AASS: variants seen among roughly 807,000 people sequenced by gnomAD.
The protein encoded by AASS is alpha-aminoadipic semialdehyde synthase, mitochondrial.
AASS carries 86 observed loss-of-function variants against 105.4 expected under a neutral mutation model. The ratio of observed to expected loss-of-function variants is 0.82; its 90% confidence interval spans 0.69 to 0.98. The LOEUF (loss-of-function observed/expected upper bound fraction) is 0.98. Ranked by LOEUF, AASS falls within the 50% of genes least tolerant of loss-of-function variation. AASS has a pLI of 0.00. For missense variants in AASS, 1,048 were observed against 1,143.2 expected (o/e 0.92, Z 1.20); for synonymous variants, 381 against 394.8 (o/e 0.96, Z 0.41).
intron 18 of AASS, among the ~76,000 whole-genome samples, chr7:122,088,436 G>A (rs1050535679): frequency 5.3e-5 from 8 of 152,080 alleles, no homozygotes; most frequent in Non-Finnish European, 5.9e-5. Context: ...CTGAGGCTGA[G>A]TCACCCAAAG....
Position 122,079,707 on chromosome 7 carries a change from TTG to T in AASS, c.2284_2285del (p.Gln762ThrfsTer4). 1 of 1,609,202 alleles carries T rather than the reference TTG, an allele frequency of 6.2e-7. No individual in the cohort carries two copies. The highest frequency in any genetic ancestry group is 8.5e-7 in the Non-Finnish European group (1 of 1,175,818). ...RPEANPLTWK[Q>X]LLCDLVGISP... ...AAATCCCAACTAGGTCACAGAGGAG[TTG>T]TTTCTGGTTAGAAAAAGAAATACAA... On this transcript the variant is annotated frameshift_variant, in exon 21 of 24. Coordinates refer to ENST00000417368, the MANE Select transcript of AASS (RefSeq NM_005763.4). LOFTEE classifies it high-confidence loss of function.
At position 122,081,533 on chromosome 7, in the gene AASS, AG is replaced by A; in HGVS notation, c.2246del (p.Pro749LeufsTer19). On this transcript the variant is annotated frameshift_variant, in exon 20 of 24. Transcript: ENST00000417368. LOFTEE classifies it high-confidence loss of function. ...KLGLINREAL[P>X]AFRPEANPLT... ...GAGGGTTGGCCTCAGGTCTAAAGGC[AG>A]GAAGCGCTTCTCTGTTTATAAGACC... 1 of 1,614,050 alleles carries A rather than the reference AG, an allele frequency of 6.2e-7. No homozygotes were observed. Among genetic ancestry groups the A allele is most frequent in the South Asian group, 1.1e-5 (1 of 91,084 alleles).
rs551208875 is a variant in AASS at position 122,133,168 on chromosome 7, A to G, written c.210+349T>C. ...AGGAATGAGTCAAACCTATACCATAATATTATTTTGAAGAGCAAGTGGAAT... is the reference window on the plus strand; with the variant it reads ...AGGAATGAGTCAAACCTATACCATAGTATTATTTTGAAGAGCAAGTGGAAT... On this transcript the variant is annotated intron_variant, in intron 2 of 23. Coordinates refer to ENST00000417368, the MANE Select transcript of AASS (RefSeq NM_005763.4). 4.3e-4 allele frequency among the ~76,000 whole-genome samples: 65 copies of G among 152,230 alleles called. No homozygotes were observed. The South Asian group carries it at 5.2e-3, about 12-fold the overall frequency.
At chr7:122,081,634 T>G (rs893868140) in intron 19 of AASS, 39 bp from the exon 20 acceptor site, 1 of 1,446,912 alleles carries the variant, frequency 6.9e-7, no homozygotes. Flanking sequence ...AAAATTTTTC[T>G]CTTCCAATGA....
intron 11 of AASS, among the ~76,000 whole-genome samples, chr7:122,105,490 T>C (rs1385292769): frequency 1.3e-5 from 2 of 152,076 alleles, no homozygotes; most frequent in East Asian, 3.8e-4. Context: ...ACAAAATATG[T>C]CTTAACAAAT....
intron 18 of AASS, among the ~76,000 whole-genome samples, chr7:122,089,365 A>C (rs1300080005): frequency 7.9e-5 from 12 of 152,182 alleles, no homozygotes. Flanking sequence ...CCACAAGAGG[A>C]AACGCAGGTG....
At chr7:122,115,447 T>C (rs1795122278) in intron 8 of AASS, among the ~76,000 whole-genome samples, 1 of 152,160 alleles carries the variant, frequency 6.6e-6, no homozygotes. Flanking sequence ...TGACTATAAA[T>C]ACATTAGTGT....
intron 8 of AASS, 105 bp from the exon 9 acceptor site, chr7:122,115,327 A>C: frequency 7.1e-7 from 1 of 1,407,240 alleles, no homozygotes; most frequent in Non-Finnish European, 9.9e-7. Flanking sequence ...ATTAAATGTA[A>C]CTTCTAATTG....
At chr7:122,086,859 T>C (rs2150512447) in intron 18 of AASS, among the ~76,000 whole-genome samples, 1 of 152,314 alleles carries the variant, frequency 6.6e-6, no homozygotes, top group Non-Finnish European at 1.5e-5. Flanking sequence ...TAAAAATCTT[T>C]TGATATCTCA....
At chr7:122,138,878 C>G (rs1796267506) in intron 1 of AASS, among the ~76,000 whole-genome samples, 2 of 152,064 alleles carry the variant, frequency 1.3e-5, no homozygotes, top group Admixed American at 1.3e-4. Context: ...CCATACACAT[C>G]CCATTTTCTT....
intron 1 of AASS, among the ~76,000 whole-genome samples, chr7:122,139,702 A>C (rs866051850): frequency 3.9e-5 from 6 of 152,194 alleles, no homozygotes; most frequent in African/African-American, 1.2e-4. Flanking sequence ...TTATGCCTAT[A>C]ATGCCAGCAC....
Position 122,115,222 on chromosome 7 carries a change from T to C in AASS, c.895A>G (p.Ile299Val), listed in dbSNP as rs1446647523. The part of the protein sequence containing the change: ...ERYISRFNTD[I>V]APYTTCLING... ...ATTAAGCAAGTTGTATAGGGTGCAA[T>C]CTGTAATGCAAGTTCCAGGTTCAAG... The change falls in exon 9 of 24, where the codon ATT becomes GTT. Residue 299 changes from isoleucine to valine, a missense_variant and splice_region_variant. Coordinates refer to ENST00000417368, the MANE Select transcript of AASS (RefSeq NM_005763.4). 1 of 1,613,982 alleles carries C rather than the reference T, an allele frequency of 6.2e-7. No homozygotes were observed. The highest frequency in any genetic ancestry group is 8.5e-7 in the Non-Finnish European group (1 of 1,180,010).
chr7:122,116,760 T>G lies in AASS; in HGVS notation c.767A>C (p.Asp256Ala), dbSNP rs1161855234. ...HELKEVSQTG[D>A]LRKVYGTVLS... The stretch of plus-strand genomic sequence containing the variant: ...CACCGTCCCATACACTTTTCTGAGG[T>G]CTTGAAAAGGAGAAAGAAATTAGTA... Residue 256 changes from aspartate (D) to alanine (A), a missense_variant and splice_region_variant, in exon 8 of 24, where the codon GAC becomes GCC. Physicochemically the swap from Asp to Ala is moderately radical, Grantham distance 126. Transcript: ENST00000417368. The G allele has an allele frequency of 1.9e-6, 3 of 1,614,060 alleles. No individual in the cohort carries two copies. The highest frequency in any genetic ancestry group is 1.7e-6 in the Non-Finnish European group (2 of 1,179,970).
chr7:122,116,751 T>C lies in AASS; in HGVS notation c.776A>G (p.Lys259Arg). The part of the protein sequence containing the change: ...KEVSQTGDLR[K>R]VYGTVLSRHH... ...ACGACTTAACACCGTCCCATACACTTTTCTGAGGTCTTGAAAAGGAGAAAG... is the reference window on the plus strand; with the variant it reads ...ACGACTTAACACCGTCCCATACACTCTTCTGAGGTCTTGAAAAGGAGAAAG... The change falls in exon 8 of 24, where the codon AAA becomes AGA. Residue 259 changes from lysine (K) to arginine (R), a missense_variant. Transcript: ENST00000417368. 1 of 1,614,098 alleles carries C rather than the reference T, an allele frequency of 6.2e-7. No individual in the cohort carries two copies.
chr7:122,076,649 G>A, intron 23 of AASS, 42 bp from the exon 24 acceptor site: 2 of 1,423,524 alleles, frequency 1.4e-6, no homozygotes, highest in Non-Finnish European at 2.0e-6. Flanking sequence ...CAAAGGTTGT[G>A]TCAGAGGTTA....
intron 6 of AASS, 130 bp downstream of exon 6, chr7:122,118,177 A>G: frequency 1.0e-6 from 1 of 982,098 alleles, no homozygotes; most frequent in Non-Finnish European, 1.5e-6. Flanking sequence ...AGAAAAATAC[A>G]TTGGTAAGAA....
At chr7:122,132,965 A>G (rs1488738739) in intron 2 of AASS, among the ~76,000 whole-genome samples, 1 of 152,198 alleles carries the variant, frequency 6.6e-6, no homozygotes, top group Non-Finnish European at 1.5e-5. Flanking sequence ...ATAAGATGAT[A>G]TTATGAATTA....
Position 122,077,874 on chromosome 7 carries a change from A to G in AASS, c.2626T>C (p.Leu876=), listed in dbSNP as rs1207175246. The G allele has an allele frequency of 6.2e-7, 1 of 1,613,968 alleles. No individual in the cohort carries two copies. The highest frequency in any genetic ancestry group is 8.5e-7 in the Non-Finnish European group (1 of 1,180,022). The change falls in exon 23 of 24, where the codon TTA becomes CTA. Residue 876 remains leucine (L), a synonymous_variant. Coordinates refer to ENST00000417368, the MANE Select transcript of AASS (RefSeq NM_005763.4). ...GFSAMAKTVG[L]PTAMAAKMLL... is the part of the protein sequence containing the mutation. Reference sequence around the variant, plus strand: ...ATTTTGGCTGCCATGGCGGTGGGTAACCCCACGGTTTTAGCCATGGCTGAA... The same window carrying G: ...ATTTTGGCTGCCATGGCGGTGGGTAGCCCCACGGTTTTAGCCATGGCTGAA...
chr7:122,091,886 T>C, intron 17 of AASS, 43 bp from the exon 18 acceptor site: 1 of 1,374,430 alleles, frequency 7.3e-7, no homozygotes, highest in Non-Finnish European at 1.0e-6. Context: ...ATTCACAACT[T>C]AGAGAATGTC....
Sources: allele counts gnomAD v4.1 joint callset (sites outside exome capture counted in the v4.1 genomes callset), GRCh38; gene constraint gnomAD v4.1.1; transcripts MANE v1.5; gene names NCBI Gene and HGNC (gene_info 2026-07-23, HGNC 2026-07-21).